VTI1A: variants seen among roughly 807,000 people sequenced by gnomAD.
The protein encoded by VTI1A is vesicle transport through interaction with t-SNAREs 1A.
In VTI1A, 22 loss-of-function variants were observed where a neutral mutation model predicts 34.9. The observed-to-expected ratio is 0.63, with a 90% CI of 0.45 to 0.90. The LOEUF (loss-of-function observed/expected upper bound fraction) is 0.90. Among genes scored for constraint, VTI1A ranks in the 40% least tolerant of loss-of-function variants. The pLI is 0.00. For synonymous variants in VTI1A, 87 were observed against 97.3 expected (o/e 0.89, Z 0.62); for missense variants, 268 against 275.6 (o/e 0.97, Z 0.20).
chr10:112,665,489 G>A (rs1268745840), intron 5 of VTI1A, among the ~76,000 whole-genome samples: 1 of 152,178 alleles, frequency 6.6e-6, no homozygotes, highest in Non-Finnish European at 1.5e-5. Flanking sequence ...TTACGACCGG[G>A]ATGCATACGC....
intron 7 of VTI1A, among the ~76,000 whole-genome samples, chr10:112,718,469 ACTT>A (rs1447216267): frequency 4.2e-4 from 64 of 152,366 alleles, no homozygotes; most frequent in East Asian, 3.9e-4. Flanking sequence ...AGTAAGCACT[ACTT>A]CAAGTGTGCT....
chr10:112,798,755 C>T (rs188765283), intron 7 of VTI1A, among the ~76,000 whole-genome samples: 136 of 152,284 alleles, frequency 8.9e-4, no homozygotes, highest in African/African-American at 2.8e-3. Context: ...ATTTGTTCTC[C>T]GGAAGATCAC....
At chr10:112,696,004 T>A (rs1197257099) in intron 7 of VTI1A, among the ~76,000 whole-genome samples, 1 of 152,034 alleles carries the variant, frequency 6.6e-6, no homozygotes, top group African/African-American at 2.4e-5. Flanking sequence ...AGAAATTTTT[T>A]ACAAAAAGAG....
intron 4 of VTI1A, among the ~76,000 whole-genome samples, chr10:112,534,707 G>T (rs1257231877): frequency 6.6e-6 from 1 of 152,130 alleles, no homozygotes; most frequent in Non-Finnish European, 1.5e-5. Context: ...CCCTACAGGG[G>T]AGCAGTTGTA....
chr10:112,628,886 G>A lies in VTI1A; in HGVS notation c.428-39332G>A, dbSNP rs186073981. On this transcript the variant is annotated intron_variant, in intron 5 of 7. Coordinates refer to ENST00000393077, the MANE Select transcript of VTI1A (RefSeq NM_145206.4). ...CGCAGTGTTTTTTTAATGCATACAC[G>A]TGTGTCTACATTTAAAGTATGAGTT... Among the ~76,000 whole-genome samples the A allele has an allele frequency of 5.7e-3, 873 of 151,990 alleles. 8 individuals are homozygous for A. Among genetic ancestry groups the A allele is most frequent in the Middle Eastern group, 0.024 (7 of 292 alleles).
intron 3 of VTI1A, among the ~76,000 whole-genome samples, chr10:112,478,144 T>G (rs1335655586): frequency 1.3e-5 from 2 of 152,202 alleles, no homozygotes; most frequent in Non-Finnish European, 2.9e-5. Flanking sequence ...ATTATTAGAT[T>G]GCTAGAAGTA....
intron 5 of VTI1A, among the ~76,000 whole-genome samples, chr10:112,581,187 GTT>G (rs2134398336): frequency 6.6e-6 from 1 of 152,286 alleles, no homozygotes; most frequent in East Asian, 1.9e-4. Flanking sequence ...AATTCACTTG[GTT>G]CTCTTCCTCT....
At chr10:112,672,976 C>A (rs764372704) in intron 7 of VTI1A, among the ~76,000 whole-genome samples, 4 of 152,028 alleles carry the variant, frequency 2.6e-5, no homozygotes, top group Non-Finnish European at 5.9e-5. Context: ...TACTACTTTA[C>A]CTTGGCTCCT....
At chr10:112,503,653 CATTAT>C (rs911258972) in intron 3 of VTI1A, among the ~76,000 whole-genome samples, 1 of 152,198 alleles carries the variant, frequency 6.6e-6, no homozygotes, top group Non-Finnish European at 1.5e-5. Flanking sequence ...AGAGGACAAC[CATTAT>C]ATTAATGTTT....
chr10:112,772,441 A>C (rs777007291), intron 7 of VTI1A, among the ~76,000 whole-genome samples: 1 of 152,166 alleles, frequency 6.6e-6, no homozygotes, highest in Non-Finnish European at 1.5e-5. Context: ...GATAGTCTAG[A>C]TATGTCTTAT....
At position 112,817,446 on chromosome 10, in the gene VTI1A, G is replaced by A. The variant is rs538091851; in HGVS notation, c.*2063G>A. Reference sequence around the variant, plus strand: ...TGCTCACCTCTCAATAGCTTTTTTCGTTCAAGTTCTATGTCTTTATCAGCT... The same window carrying A: ...TGCTCACCTCTCAATAGCTTTTTTCATTCAAGTTCTATGTCTTTATCAGCT... On this transcript the variant is annotated 3_prime_UTR_variant, in exon 8 of 8. Transcript: ENST00000393077. 8 of 230,970 alleles carry A rather than the reference G, an allele frequency of 3.5e-5. No individual in the cohort carries two copies. Among genetic ancestry groups the A allele is most frequent in the South Asian group, 1.8e-4 (1 of 5,512 alleles). The allele number at this position is 230,970 out of a possible 1,614,324, so 14.3% of individuals were successfully genotyped here. A position where few individuals can be genotyped will look rare whatever the true frequency, so the allele number is the denominator to read the frequency against.
chr10:112,695,001 C>T, intron 7 of VTI1A, among the ~76,000 whole-genome samples: 1 of 151,932 alleles, frequency 6.6e-6, no homozygotes, highest in Admixed American at 6.6e-5. Context: ...AGCAAATGTT[C>T]CAAAGTAAAC....
intron 3 of VTI1A, among the ~76,000 whole-genome samples, chr10:112,518,651 G>GTA (rs36060655): frequency 0.18 from 24,577 of 133,940 alleles, 2,464 homozygotes; most frequent in East Asian, 0.45. Context: ...GTATATACGT[G>GTA]TATATATATA....
At chr10:112,752,560 T>C (rs1043955761) in intron 7 of VTI1A, 1 of 985,330 alleles carries the variant, frequency 1.0e-6, no homozygotes, top group Non-Finnish European at 1.2e-6. Context: ...AGGGGGAACA[T>C]GCTTTGGAAA....
chr10:112,567,793 CA>C (rs1484872660), intron 5 of VTI1A, among the ~76,000 whole-genome samples: 1 of 152,150 alleles, frequency 6.6e-6, no homozygotes, highest in Non-Finnish European at 1.5e-5. Flanking sequence ...ATTTATATCA[CA>C]GTTATTTCCA....
At chr10:112,478,965 G>A (rs187160427) in intron 3 of VTI1A, among the ~76,000 whole-genome samples, 5,312 of 152,086 alleles carry the variant, frequency 0.035, 129 homozygotes, top group Non-Finnish European at 0.054. Context: ...TCAAGAGATC[G>A]AGACCATCCT....
At chr10:112,473,082 A>T (rs1188377197) in intron 3 of VTI1A, among the ~76,000 whole-genome samples, 1 of 150,292 alleles carries the variant, frequency 6.7e-6, no homozygotes, top group Non-Finnish European at 1.5e-5. Context: ...ATTTTACATA[A>T]CAATGAGGTC....
intron 4 of VTI1A, among the ~76,000 whole-genome samples, chr10:112,531,104 C>CACACGT (rs1554897018): frequency 2.1e-5 from 3 of 142,396 alleles, no homozygotes; most frequent in African/African-American, 7.9e-5. Flanking sequence ...CACACACACA[C>CACACGT]GTGCGCACGT....
intron 5 of VTI1A, among the ~76,000 whole-genome samples, chr10:112,646,515 G>A (rs2133790794): frequency 6.6e-6 from 1 of 151,936 alleles, no homozygotes; most frequent in Admixed American, 6.6e-5. Context: ...TCTGTGAAGA[G>A]TACCATGTTC....
Sources: gnomAD v4.1 joint callset for allele counts (sites outside exome capture counted in the v4.1 genomes callset) on GRCh38, gnomAD v4.1.1 for gene constraint, MANE v1.5 for transcripts, NCBI Gene and HGNC (gene_info 2026-07-23, HGNC 2026-07-21) for gene names.